The following ST18 variants were observed in gnomAD, a reference collection of about 807,000 sequenced individuals.
The protein encoded by ST18 is ST18 C2H2C-type zinc finger transcription factor.
A neutral mutation model predicts 110.0 loss-of-function variants in ST18; 50 were observed. The ratio of observed to expected loss-of-function variants is 0.45; its 90% confidence interval spans 0.36 to 0.58. The LOEUF is 0.58. Ranked by LOEUF, ST18 falls within the 20% of genes least tolerant of loss-of-function variation. ST18 has a pLI of 0.00. For missense variants in ST18, 1,306 were observed against 1,280.1 expected, an observed-to-expected ratio of 1.02 and a Z score of -0.31; for synonymous variants, 461 against 452.4, an observed-to-expected ratio of 1.02 and a Z score of -0.24.
intron 2 of ST18, among the ~76,000 whole-genome samples, chr8:52,387,396 A>G (rs1307210347): frequency 6.6e-6 from 1 of 152,136 alleles, no homozygotes; most frequent in Non-Finnish European, 1.5e-5. Context: ...TGTTTGTTCC[A>G]CTAGAGTGTC....
At chr8:52,149,999 A>G (rs2058399882) in intron 15 of ST18, 22 bp from the exon 16 acceptor site, 1 of 1,602,428 alleles carries the variant, frequency 6.2e-7, no homozygotes, top group Non-Finnish European at 8.5e-7. Flanking sequence ...TAGGAAACAG[A>G]AAAACATTTA....
intron 4 of ST18, among the ~76,000 whole-genome samples, chr8:52,221,352 A>C (rs1343671847): frequency 6.6e-6 from 1 of 152,146 alleles, no homozygotes; most frequent in Admixed American, 6.5e-5. Flanking sequence ...ACATGATACC[A>C]ATCCTTTTGC....
At position 52,346,091 on chromosome 8, in the gene ST18, C is replaced by T. The variant is rs552103878; in HGVS notation, c.-465+63237G>A. On this transcript the variant is annotated intron_variant, in intron 2 of 25. Transcript: ENST00000689386. ...AATAAAAATGAAAAACTAAAAACCC[C>T]AAATAATAAAATTAAAAACAGTAGG... Among the ~76,000 whole-genome samples, 252 of 151,530 alleles carry T rather than the reference C, an allele frequency of 1.7e-3. 2 individuals are homozygous for T. The highest frequency in any genetic ancestry group is 8.3e-3 in the South Asian group (40 of 4,804).
chr8:52,209,813 A>G (rs1198732655), intron 8 of ST18, among the ~76,000 whole-genome samples: 1 of 145,022 alleles, frequency 6.9e-6, no homozygotes, highest in Non-Finnish European at 1.5e-5. Context: ...ATATATATAC[A>G]TGCTTATTAT....
chr8:52,216,197 G>A (rs558316370), intron 6 of ST18, among the ~76,000 whole-genome samples: 5 of 152,230 alleles, frequency 3.3e-5, no homozygotes, highest in African/African-American at 7.2e-5. Context: ...TCTTTACACC[G>A]GCTTTAAGCT....
chr8:52,368,110 T>G (rs1406252967), intron 2 of ST18, among the ~76,000 whole-genome samples: 1 of 152,134 alleles, frequency 6.6e-6, no homozygotes, highest in African/African-American at 2.4e-5. Context: ...AGTGGCAATC[T>G]CTTGGGGGAA....
intron 2 of ST18, among the ~76,000 whole-genome samples, chr8:52,259,340 C>A (rs1372289948): frequency 6.6e-6 from 1 of 152,208 alleles, no homozygotes; most frequent in Admixed American, 6.5e-5. Context: ...TAAATTCCAT[C>A]TGTTGCCTGG....
At chr8:52,190,593 G>A (rs1432164310) in intron 8 of ST18, among the ~76,000 whole-genome samples, 5 of 152,200 alleles carry the variant, frequency 3.3e-5, no homozygotes, top group Non-Finnish European at 5.9e-5. Flanking sequence ...TGGTAAATGT[G>A]TTCTTTTCCA....
At chr8:52,322,192 G>A (rs1185387522) in intron 2 of ST18, among the ~76,000 whole-genome samples, 2 of 152,204 alleles carry the variant, frequency 1.3e-5, no homozygotes, top group African/African-American at 4.8e-5. Context: ...GGAAGGCAAG[G>A]AGGAGGGAGA....
intron 2 of ST18, among the ~76,000 whole-genome samples, chr8:52,327,813 A>G (rs2140016141): frequency 6.6e-6 from 1 of 152,288 alleles, no homozygotes; most frequent in East Asian, 1.9e-4. Context: ...GCTTCAATGC[A>G]ATACCTCCCT....
At chr8:52,130,317 G>A (rs2049064972) in intron 22 of ST18, among the ~76,000 whole-genome samples, 1 of 152,072 alleles carries the variant, frequency 6.6e-6, no homozygotes, top group African/African-American at 2.4e-5. Flanking sequence ...TTAGAGATGG[G>A]GTCTTGTTCT....
chr8:52,373,573 C>A (rs1287904845), intron 2 of ST18, among the ~76,000 whole-genome samples: 1 of 151,966 alleles, frequency 6.6e-6, no homozygotes, highest in African/African-American at 2.4e-5. Context: ...TTTCCTGCAT[C>A]CCACTACCTG....
At chr8:52,209,789 AT>A (rs60817746) in intron 8 of ST18, among the ~76,000 whole-genome samples, 27,390 of 82,714 alleles carry the variant, frequency 0.33, 3,825 homozygotes, top group Non-Finnish European at 0.4. Flanking sequence ...AAAAAAAAAA[AT>A]ATATATATAT....
At chr8:52,115,739 C>T (rs960503619) in intron 25 of ST18, among the ~76,000 whole-genome samples, 2 of 152,138 alleles carry the variant, frequency 1.3e-5, no homozygotes, top group Admixed American at 1.3e-4. Context: ...ACTATAGTTG[C>T]ATACCTAAAA....
chr8:52,173,272 A>G (rs557211507), intron 9 of ST18, among the ~76,000 whole-genome samples: 2 of 152,334 alleles, frequency 1.3e-5, no homozygotes, highest in South Asian at 4.1e-4. Context: ...ATAGTAACAC[A>G]TTTTCTGGTC....
intron 3 of ST18, among the ~76,000 whole-genome samples, chr8:52,227,056 G>A (rs1223522467): frequency 6.6e-6 from 1 of 152,128 alleles, no homozygotes; most frequent in East Asian, 1.9e-4. Flanking sequence ...ATGAGATATG[G>A]AATGGGAGAA....
In ST18 at chr8:52,246,851, A is replaced by G. The variant is rs113721545; in HGVS notation, c.-464-16774T>C. On this transcript the variant is annotated intron_variant, in intron 2 of 25. Coordinates refer to ENST00000689386, the MANE Select transcript of ST18 (RefSeq NM_001352837.2). ...TAATTTTTCACATAAGTTATAAGGC[A>G]ACATTTATCTCCCATCACTCTTGCC... Among the ~76,000 whole-genome samples the G allele has an allele frequency of 4.9e-3, 753 of 152,346 alleles. 6 individuals are homozygous for G. The highest frequency in any genetic ancestry group is 0.017 in the African/African-American group (715 of 41,596).
At chr8:52,169,637 A>C (rs2064122147) in intron 10 of ST18, among the ~76,000 whole-genome samples, 1 of 149,286 alleles carries the variant, frequency 6.7e-6, no homozygotes, top group Non-Finnish European at 1.5e-5. Flanking sequence ...GCATTGACTT[A>C]ACAGCATGGA....
At chr8:52,274,180 T>C (rs1309983653) in intron 2 of ST18, among the ~76,000 whole-genome samples, 4 of 152,172 alleles carry the variant, frequency 2.6e-5, no homozygotes, top group Admixed American at 2.0e-4. Context: ...GATGGAAATG[T>C]ATCAAATGCA....
Sources: gnomAD v4.1 joint callset for allele counts (sites outside exome capture counted in the v4.1 genomes callset) on GRCh38, gnomAD v4.1.1 for gene constraint, MANE v1.5 for transcripts, NCBI Gene and HGNC (gene_info 2026-07-23, HGNC 2026-07-21) for gene names.